LRRC4C: variants seen among roughly 807,000 people sequenced by gnomAD.
LRRC4C encodes the protein leucine rich repeat containing 4C.
Under a neutral mutation model 33.6 loss-of-function variants are expected in LRRC4C, and 5 were observed. The observed-to-expected ratio is 0.15, with a 90% CI of 0.08 to 0.31. LRRC4C has a LOEUF of 0.31. Among genes scored for constraint, LRRC4C ranks in the 10% least tolerant of loss-of-function variants. The probability of loss-of-function intolerance (pLI) is 1.00; values close to 1 mark genes in which losing one functional copy is unlikely to be tolerated. For synonymous variants in LRRC4C, 329 were observed against 302.0 expected, an observed-to-expected ratio of 1.09 and a Z score of -0.93; for missense variants, 560 against 796.7, an observed-to-expected ratio of 0.70 and a Z score of 3.58.
intron 3 of LRRC4C, among the ~76,000 whole-genome samples, chr11:40,567,959 G>GA (rs1299388278): frequency 1.3e-5 from 2 of 152,160 alleles, no homozygotes; most frequent in Admixed American, 1.3e-4. Flanking sequence ...TCTCATCAGT[G>GA]AAGGCATTTG....
chr11:40,838,121 G>A (rs1424877364), intron 2 of LRRC4C, among the ~76,000 whole-genome samples: 1 of 152,076 alleles, frequency 6.6e-6, no homozygotes, highest in Non-Finnish European at 1.5e-5. Context: ...TAACTTTTCT[G>A]AGAACTCCAG....
chr11:40,793,999 G>T (rs1591737944), intron 2 of LRRC4C, among the ~76,000 whole-genome samples: 1 of 152,076 alleles, frequency 6.6e-6, no homozygotes, highest in Non-Finnish European at 1.5e-5. Context: ...CTTCATATAA[G>T]CTGACTAGGC....
chr11:41,001,447 A>C (rs1273705786), intron 1 of LRRC4C, among the ~76,000 whole-genome samples: 4 of 152,134 alleles, frequency 2.6e-5, no homozygotes, highest in Admixed American at 2.6e-4. Context: ...CATGCAAATA[A>C]GGGAGTTGGT....
intron 3 of LRRC4C, among the ~76,000 whole-genome samples, chr11:40,358,582 C>T (rs1947791601): frequency 6.6e-6 from 1 of 152,044 alleles, no homozygotes; most frequent in African/African-American, 2.4e-5. Flanking sequence ...CGCCTGGTCC[C>T]CAATCTCTTA....
intron 1 of LRRC4C, among the ~76,000 whole-genome samples, chr11:41,218,928 C>T (rs907948643): frequency 7.2e-5 from 11 of 151,804 alleles, no homozygotes; most frequent in Admixed American, 1.3e-4. Flanking sequence ...CCACCACGCC[C>T]GGCTAAATTT....
At chr11:40,161,520 G>A (rs535680673) in intron 5 of LRRC4C, among the ~76,000 whole-genome samples, 6 of 152,300 alleles carry the variant, frequency 3.9e-5, no homozygotes, top group Admixed American at 6.5e-5. Context: ...TTGGGAGGCC[G>A]AGGCGGGCAG....
chr11:40,519,398 A>G (rs1473691104), intron 3 of LRRC4C, among the ~76,000 whole-genome samples: 4 of 152,204 alleles, frequency 2.6e-5, no homozygotes, highest in African/African-American at 9.6e-5. Context: ...ATGAAAGTAT[A>G]AGTTTAAATA....
intron 1 of LRRC4C, among the ~76,000 whole-genome samples, chr11:41,256,516 C>CA: frequency 6.6e-6 from 1 of 151,720 alleles, no homozygotes; most frequent in African/African-American, 2.4e-5. Flanking sequence ...GTTAGAAATC[C>CA]AAAAAAGGAA....
intron 2 of LRRC4C, among the ~76,000 whole-genome samples, chr11:40,798,951 A>C (rs1029005450): frequency 2.6e-5 from 4 of 152,116 alleles, no homozygotes; most frequent in Non-Finnish European, 4.4e-5. Context: ...GCTGTATTAT[A>C]AGTTTCTTTT....
intron 1 of LRRC4C, among the ~76,000 whole-genome samples, chr11:41,070,227 G>T: frequency 6.6e-6 from 1 of 152,142 alleles, no homozygotes; most frequent in Non-Finnish European, 1.5e-5. Flanking sequence ...GCAGAAAACT[G>T]AAACTGGAGC....
chr11:40,276,651 C>G (rs72891092), intron 4 of LRRC4C, among the ~76,000 whole-genome samples: 11,177 of 148,484 alleles, frequency 0.075, 526 homozygotes, highest in African/African-American at 0.12. Flanking sequence ...ATTCAGGACC[C>G]GGAGATAAAT....
At chr11:40,505,200 A>G (rs1954973352) in intron 3 of LRRC4C, among the ~76,000 whole-genome samples, 2 of 152,130 alleles carry the variant, frequency 1.3e-5, no homozygotes, top group African/African-American at 4.8e-5. Context: ...GTTTTTGGTT[A>G]GGCAGACATT....
At chr11:40,719,274 A>G (rs1400586460) in intron 2 of LRRC4C, among the ~76,000 whole-genome samples, 2 of 152,236 alleles carry the variant, frequency 1.3e-5, no homozygotes, top group African/African-American at 4.8e-5. Flanking sequence ...TTGCCATAGT[A>G]GTGAATGCAT....
chr11:40,452,566 C>T (rs1951937658), intron 3 of LRRC4C, among the ~76,000 whole-genome samples: 1 of 152,270 alleles, frequency 6.6e-6, no homozygotes, highest in Non-Finnish European at 1.5e-5. Flanking sequence ...AATAGGAACA[C>T]TTTTACACTG....
At chr11:40,135,570 A>G (rs1856914663) in intron 6 of LRRC4C, among the ~76,000 whole-genome samples, 1 of 152,192 alleles carries the variant, frequency 6.6e-6, no homozygotes, top group African/African-American at 2.4e-5. Flanking sequence ...TCATAATGGG[A>G]TAAGAAAGTA....
chr11:40,272,752 G>A (rs1251470751), intron 4 of LRRC4C, among the ~76,000 whole-genome samples: 1 of 151,878 alleles, frequency 6.6e-6, no homozygotes, highest in South Asian at 2.1e-4. Context: ...CAAAAATCAC[G>A]TTGGAGGAAA....
chr11:40,472,082 C>A (rs1356377129), intron 3 of LRRC4C, among the ~76,000 whole-genome samples: 1 of 151,574 alleles, frequency 6.6e-6, no homozygotes, highest in Non-Finnish European at 1.5e-5. Context: ...AGATCATGAT[C>A]CTGGCTAACA....
chr11:40,916,204 T>C (rs1431624486), intron 2 of LRRC4C, among the ~76,000 whole-genome samples: 1 of 152,106 alleles, frequency 6.6e-6, no homozygotes, highest in Non-Finnish European at 1.5e-5. Flanking sequence ...TGGGTGTATA[T>C]CCAAAGGATT....
intron 3 of LRRC4C, among the ~76,000 whole-genome samples, chr11:40,555,382 T>C (rs534188444): frequency 6.6e-6 from 1 of 152,330 alleles, no homozygotes; most frequent in East Asian, 1.9e-4. Context: ...TTATTACTGG[T>C]ATCTTCAGAG....
Sources: allele counts gnomAD v4.1 joint callset (sites outside exome capture counted in the v4.1 genomes callset), GRCh38; gene constraint gnomAD v4.1.1; transcripts MANE v1.5; gene names NCBI Gene and HGNC (gene_info 2026-07-23, HGNC 2026-07-21).